Variants in PCDHGB4 observed in about 807,000 individuals in gnomAD.
The protein encoded by PCDHGB4 is protocadherin gamma-B4.
In PCDHGB4, 38 loss-of-function variants were observed where a neutral mutation model predicts 60.5. That is an observed-to-expected ratio of 0.63 (90% CI 0.48 to 0.82). The LOEUF (loss-of-function observed/expected upper bound fraction) is 0.82. Ranked by LOEUF, PCDHGB4 falls within the 40% of genes least tolerant of loss-of-function variation. The pLI, the probability that PCDHGB4 is intolerant of heterozygous loss-of-function variation, is 0.00. For missense variants in PCDHGB4, 1,109 were observed against 1,209.6 expected (o/e 0.92, Z 1.23); for synonymous variants, 456 against 509.7 (o/e 0.89, Z 1.42).
intron 1 of PCDHGB4, chr5:141,419,345 C>T (rs111954647): frequency 6.2e-6 from 10 of 1,613,858 alleles, no homozygotes; most frequent in African/African-American, 2.7e-5. Flanking sequence ...TGCCAGCGAC[C>T]TGGAGTCACG....
At position 141,455,318 on chromosome 5, in the gene PCDHGB4, G is replaced by A. The variant is rs534507768; in HGVS notation, c.2398-39489G>A. On this transcript the variant is annotated intron_variant, in intron 1 of 3. Transcript: ENST00000519479. ...TTTCATCTTGCATTAGCAATTTTGT[G>A]TGTGTGTTTGTGGTTTTAAGGAGCG... is the stretch of plus-strand genomic sequence containing the variant. Among the ~76,000 whole-genome samples the A allele has an allele frequency of 2.4e-4, 37 of 152,186 alleles. No individual in the cohort carries two copies. The South Asian group carries it at 5.6e-3, about 23-fold the overall frequency.
At chr5:141,468,737 G>A (rs1288031024) in intron 1 of PCDHGB4, among the ~76,000 whole-genome samples, 1 of 151,948 alleles carries the variant, frequency 6.6e-6, no homozygotes, top group African/African-American at 2.4e-5. Context: ...GTGGTGGCGG[G>A]TGCCTGTAGT....
intron 1 of PCDHGB4, chr5:141,394,070 T>C: frequency 6.2e-7 from 1 of 1,613,848 alleles, no homozygotes; most frequent in Non-Finnish European, 8.5e-7. Context: ...CTATCTACAA[T>C]ATCACAGTGA....
At chr5:141,510,124 A>G (rs2099879540) in intron 3 of PCDHGB4, among the ~76,000 whole-genome samples, 1 of 152,156 alleles carries the variant, frequency 6.6e-6, no homozygotes, top group Admixed American at 6.5e-5. Context: ...AAATACAAAA[A>G]TTAGCTGGGC....
At chr5:141,505,852 G>A (rs2099848673) in intron 3 of PCDHGB4, among the ~76,000 whole-genome samples, 1 of 152,140 alleles carries the variant, frequency 6.6e-6, no homozygotes, top group African/African-American at 2.4e-5. Context: ...TAGAAAGTGG[G>A]GACAGGGACC....
At position 141,477,961 on chromosome 5, in the gene PCDHGB4, C is replaced by G. The variant is rs199947431; in HGVS notation, c.2398-16846C>G. On this transcript the variant is annotated intron_variant, in intron 1 of 3. Transcript: ENST00000519479. The surrounding 1 kb of genome is among the most constrained non-coding windows in gnomAD (Gnocchi z 4.9). ...CCTACAGTCTCTTGGGATCCCCTAA[C>G]CAGAGCCTTTTTGCCATAGGGCTGC... 10 of 1,614,166 alleles carry G rather than the reference C, an allele frequency of 6.2e-6. No individual in the cohort carries two copies. Among genetic ancestry groups the G allele is most frequent in the Middle Eastern group, 3.3e-4 (2 of 6,062 alleles).
chr5:141,491,119 G>A lies in PCDHGB4; in HGVS notation c.2398-3688G>A. 6.2e-7 allele frequency: 1 copy of A among 1,614,216 alleles called. No individual in the cohort carries two copies. The highest frequency in any genetic ancestry group is 1.1e-5 in the South Asian group (1 of 91,086). ...GTTCCTCGTGTCTACACACACTGGT[G>A]AGGTGCGCACAGCCCGGGCCTTACT... On this transcript the variant is annotated intron_variant, in intron 1 of 3. Transcript: ENST00000519479. The surrounding 1 kb of genome is among the most constrained non-coding windows in gnomAD (Gnocchi z 6.9).
rs1409012917 is a variant in PCDHGB4 at position 141,512,928 on chromosome 5, T to A, written c.*1755T>A. On this transcript the variant is annotated 3_prime_UTR_variant, in exon 4 of 4. Transcript: ENST00000519479. ...CAAGTTTTATACTCTAATATTTATA[T>A]GGCTTTTTTTCTTCGACAAAAAAAT... is the stretch of plus-strand genomic sequence containing the variant. 1.3e-5 allele frequency: 2 copies of A among 152,190 alleles called. No individual in the cohort carries two copies. Among genetic ancestry groups the A allele is most frequent in the Non-Finnish European group, 2.9e-5 (2 of 68,044 alleles). The allele number at this position is 152,190 out of a possible 1,614,324, so 9.4% of individuals were successfully genotyped here.
rs1168771567 is a variant in PCDHGB4 at position 141,398,057 on chromosome 5, A to T, written c.2397+7776A>T. On this transcript the variant is annotated intron_variant, in intron 1 of 3. Coordinates refer to ENST00000519479, the MANE Select transcript of PCDHGB4 (RefSeq NM_003736.4). ...CTAAAGCCCGTTCGGAGATCCAAAAATCTACAATACAGAGGTTATTTGTAA... is the reference window on the plus strand; with the variant it reads ...CTAAAGCCCGTTCGGAGATCCAAAATTCTACAATACAGAGGTTATTTGTAA... 9 of 1,524,504 alleles carry T rather than the reference A, an allele frequency of 5.9e-6. No individual in the cohort carries two copies. In the South Asian group the frequency reaches 1.1e-4, roughly 19 times the overall value. 94.4% of individuals were successfully genotyped at this position (1,524,504 alleles called of 1,614,324 possible). A position where few individuals can be genotyped will look rare whatever the true frequency, so the allele number is the denominator to read the frequency against.
chr5:141,418,767 C>T (rs770275597), intron 1 of PCDHGB4: 1 of 1,613,850 alleles, frequency 6.2e-7, no homozygotes, highest in Non-Finnish European at 8.5e-7. Flanking sequence ...AACATTCTAA[C>T]TCAGCAGCCT....
At position 141,431,416 on chromosome 5, in the gene PCDHGB4, C is replaced by T. The variant is rs778722151; in HGVS notation, c.2397+41135C>T. Reference sequence around the variant, plus strand: ...TCCTTACGGCCTCCGACGGGGGCGACCCGGTGCGCACAGGCACCGCGCGCA... The same window carrying T: ...TCCTTACGGCCTCCGACGGGGGCGATCCGGTGCGCACAGGCACCGCGCGCA... On this transcript the variant is annotated intron_variant, in intron 1 of 3. Transcript: ENST00000519479. This position sits in a 1 kb window ranked among gnomAD's most constrained non-coding sequence, Gnocchi z 4.8. 2.5e-6 allele frequency: 4 copies of T among 1,613,714 alleles called. No homozygotes were observed. Among genetic ancestry groups the T allele is most frequent in the Admixed American group, 1.7e-5 (1 of 60,028 alleles).
At chr5:141,407,602 G>A (rs1395597779) in intron 1 of PCDHGB4, among the ~76,000 whole-genome samples, 2 of 152,064 alleles carry the variant, frequency 1.3e-5, no homozygotes, top group Non-Finnish European at 2.9e-5. Context: ...ATCTTAAAAA[G>A]AAGCATTGGT....
In PCDHGB4 at chr5:141,432,126, C is replaced by G. The variant is rs750150518; in HGVS notation, c.2397+41845C>G. 12 of 1,614,026 alleles carry G rather than the reference C, an allele frequency of 7.4e-6. No homozygotes were observed. Among genetic ancestry groups the G allele is most frequent in the South Asian group, 4.4e-5 (4 of 91,062 alleles). On this transcript the variant is annotated intron_variant, in intron 1 of 3. Transcript: ENST00000519479. The surrounding 1 kb of genome is among the most constrained non-coding windows in gnomAD (Gnocchi z 6.0). ...AACCCGCCGGTCTTCCCTCAGGCCT[C>G]CTATTCCGCTTATATCCCAGAGAAC...
intron 1 of PCDHGB4, among the ~76,000 whole-genome samples, chr5:141,449,440 C>T (rs2098639026): frequency 6.6e-6 from 1 of 151,742 alleles, no homozygotes; most frequent in Admixed American, 6.6e-5. Flanking sequence ...AACTCCATCT[C>T]TACTAAAAAT....
At position 141,431,542 on chromosome 5, in the gene PCDHGB4, G is replaced by C; in HGVS notation, c.2397+41261G>C. On this transcript the variant is annotated intron_variant, in intron 1 of 3. Coordinates refer to ENST00000519479, the MANE Select transcript of PCDHGB4 (RefSeq NM_003736.4). The surrounding 1 kb of genome is among the most constrained non-coding windows in gnomAD (Gnocchi z 4.8). ...AGAATCTGGCCTTGGGCACGCAGCT[G>C]CTTGTAGTCAACGCTACCGACCCTG... The C allele has an allele frequency of 1.9e-6, 3 of 1,614,124 alleles. No homozygotes were observed. The highest frequency in any genetic ancestry group is 1.1e-5 in the South Asian group (1 of 91,086).
chr5:141,421,837 G>A, intron 1 of PCDHGB4: 1 of 1,613,782 alleles, frequency 6.2e-7, no homozygotes. Flanking sequence ...CCTGGACCGA[G>A]AGAAAGAGGC....
At chr5:141,457,356 C>G (rs2098917888) in intron 1 of PCDHGB4, among the ~76,000 whole-genome samples, 1 of 152,170 alleles carries the variant, frequency 6.6e-6, no homozygotes, top group South Asian at 2.1e-4. Context: ...TTACCTGGCA[C>G]AATTTGCAAA....
At chr5:141,411,189 T>C (rs1222862554) in intron 1 of PCDHGB4, 1 of 152,208 alleles carries the variant, frequency 6.6e-6, no homozygotes, top group Non-Finnish European at 1.5e-5. Context: ...TCTTGGCATC[T>C]AAGAAAACAA....
At chr5:141,469,362 G>C (rs915161729) in intron 1 of PCDHGB4, among the ~76,000 whole-genome samples, 14 of 152,084 alleles carry the variant, frequency 9.2e-5, no homozygotes, top group Non-Finnish European at 7.4e-5. Flanking sequence ...GGATCATGAG[G>C]TAAAGAGATC....
Sources: gnomAD v4.1 joint callset for allele counts (sites outside exome capture counted in the v4.1 genomes callset) on GRCh38, gnomAD v4.1.1 for gene constraint, Gnocchi (gnomAD v3.1) non-coding constraint, MANE v1.5 for transcripts, NCBI Gene and HGNC (gene_info 2026-07-23, HGNC 2026-07-21) for gene names.